The following ABR variants were observed in gnomAD, a reference collection of about 807,000 sequenced individuals.
The protein encoded by ABR is active breakpoint cluster region-related protein.
A neutral mutation model predicts 107.2 loss-of-function variants in ABR; 35 were observed. The ratio of observed to expected loss-of-function variants is 0.33; its 90% CI spans 0.25 to 0.43. The LOEUF is 0.43. Among genes scored for constraint, ABR ranks in the 20% least tolerant of loss-of-function variants. The pLI is 1.00. For synonymous variants in ABR, 498 were observed against 462.0 expected, an observed-to-expected ratio of 1.08 and a Z score of -1.00; for missense variants, 815 against 1,115.2, an observed-to-expected ratio of 0.73 and a Z score of 3.83.
In ABR at chr17:1,149,437, T is replaced by TTC. The variant is rs558018468; in HGVS notation, c.62-24071_62-24070insGA. On this transcript the variant is annotated intron_variant, in intron 1 of 22. Coordinates refer to ENST00000302538, the MANE Select transcript of ABR (RefSeq NM_021962.5). ...ATTTCTGGTTTTAGTTTTTTTTTTT[T>TTC]TTTTTGAGACAGAATCTCACTCTGT... Among the ~76,000 whole-genome samples the TTC allele has an allele frequency of 1.1e-3, 165 of 149,458 alleles. 3 individuals are homozygous for TTC. The South Asian group carries it at 0.016, about 14-fold the overall frequency.
At chr17:1,181,891 G>A (rs537110554), upstream of ABR, 6 of 152,266 alleles carry the variant, frequency 3.9e-5, no homozygotes, top group Admixed American at 2.6e-4. Flanking sequence ...GCCACATCCG[G>A]CGCTGACTGT....
chr17:1,040,429 C>T (rs547585756), intron 16 of ABR, among the ~76,000 whole-genome samples: 1 of 152,254 alleles, frequency 6.6e-6, no homozygotes, highest in South Asian at 2.1e-4. Flanking sequence ...CTCAGAGCTG[C>T]CGTGCTGGGT....
At chr17:1,224,483 A>C (rs2043178684) in intron 1 of ABR, among the ~76,000 whole-genome samples, 1 of 152,112 alleles carries the variant, frequency 6.6e-6, no homozygotes, top group Non-Finnish European at 1.5e-5. Context: ...ACTAAGGCAA[A>C]GCCTGGATTG....
chr17:1,073,265 T>C (rs1204542477), intron 7 of ABR, among the ~76,000 whole-genome samples: 1 of 149,188 alleles, frequency 6.7e-6, no homozygotes, highest in Non-Finnish European at 1.5e-5. Flanking sequence ...GCCACAGTCA[T>C]ACTCTCTCCC....
chr17:1,061,071 G>T (rs998450319), intron 10 of ABR, among the ~76,000 whole-genome samples: 9 of 152,202 alleles, frequency 5.9e-5, no homozygotes, highest in African/African-American at 2.2e-4. Context: ...TGCCTCTCCA[G>T]TGACTCACAT....
chr17:1,228,517 A>ACGGAGCG (rs1196715036), intron 1 of ABR, among the ~76,000 whole-genome samples: 14 of 152,164 alleles, frequency 9.2e-5, no homozygotes, highest in Admixed American at 9.2e-4. Context: ...TGTCAGGGCC[A>ACGGAGCG]CGGAGCGCAA....
rs1436942741 is a variant in ABR at position 1,092,862 on chromosome 17, G to A, written c.346-1012C>T. Among the ~76,000 whole-genome samples, 1 of 150,626 alleles carries A rather than the reference G, an allele frequency of 6.6e-6. No homozygotes were observed. Among genetic ancestry groups the A allele is most frequent in the Non-Finnish European group, 1.5e-5 (1 of 67,494 alleles). ...CTTTTTTTTTTGGAGACGGAGTCTC[G>A]CTCTGTCGCCCAGGCTGGAGTGCAG... is the stretch of plus-strand genomic sequence containing the variant. On this transcript the variant is annotated intron_variant, in intron 3 of 22. Transcript: ENST00000302538. This position sits in a 1 kb window ranked among gnomAD's most constrained non-coding sequence, Gnocchi z 4.6.
chr17:1,052,217 C>T (rs551107718), intron 14 of ABR, among the ~76,000 whole-genome samples: 392 of 151,886 alleles, frequency 2.6e-3, no homozygotes, highest in Admixed American at 8.1e-3. Context: ...AGGTGAACAA[C>T]ACAGAGGCCC....
At chr17:1,121,896 A>G (rs538397015) in intron 2 of ABR, among the ~76,000 whole-genome samples, 1 of 152,260 alleles carries the variant, frequency 6.6e-6, no homozygotes, top group African/African-American at 2.4e-5. Flanking sequence ...TCACAGCTAA[A>G]GAGTAGATTT....
At chr17:1,215,623 C>T (rs538196118) in intron 1 of ABR, among the ~76,000 whole-genome samples, 24 of 152,280 alleles carry the variant, frequency 1.6e-4, no homozygotes, top group Admixed American at 1.0e-3. Context: ...CCTTGGCCTC[C>T]CAAAGTGCCC....
intron 10 of ABR, among the ~76,000 whole-genome samples, chr17:1,059,632 C>T (rs1262465297): frequency 1.3e-5 from 2 of 152,180 alleles, no homozygotes; most frequent in Non-Finnish European, 2.9e-5. Flanking sequence ...CCCCCTCTCA[C>T]CAGACATTCA....
At chr17:1,034,866 G>C (rs775048784) in intron 16 of ABR, among the ~76,000 whole-genome samples, 1 of 152,100 alleles carries the variant, frequency 6.6e-6, no homozygotes, top group Non-Finnish European at 1.5e-5. Flanking sequence ...CGCCGGGTGT[G>C]GGGGAGAAGG....
intron 2 of ABR, among the ~76,000 whole-genome samples, chr17:1,112,836 TC>T (rs2038757269): frequency 6.6e-6 from 1 of 151,772 alleles, no homozygotes; most frequent in African/African-American, 2.4e-5. Flanking sequence ...CCCACAGTCT[TC>T]CCCCACACCC....
intron 1 of ABR, among the ~76,000 whole-genome samples, chr17:1,177,178 T>A (rs12941396): frequency 0.13 from 19,383 of 152,258 alleles, 1,860 homozygotes; most frequent in East Asian, 0.48. Flanking sequence ...CCACAAAACC[T>A]TGCTGCCAGG....
At chr17:1,229,603 G>A (rs936916284) in exon 1 of ABR, among the ~76,000 whole-genome samples, 16 of 152,000 alleles carry the variant, frequency 1.1e-4, no homozygotes, top group Non-Finnish European at 1.9e-4. Flanking sequence ...GCCCGCCAGC[G>A]CCGCTCGAAC....
At chr17:1,174,406 A>C (rs1486867636) in intron 1 of ABR, among the ~76,000 whole-genome samples, 2 of 152,072 alleles carry the variant, frequency 1.3e-5, no homozygotes, top group Non-Finnish European at 2.9e-5. Context: ...AACTGCTCTG[A>C]TCAAACGCAC....
intron 6 of ABR, among the ~76,000 whole-genome samples, chr17:1,074,819 G>A (rs1172703482): frequency 6.6e-6 from 1 of 152,214 alleles, no homozygotes; most frequent in Non-Finnish European, 1.5e-5. Flanking sequence ...GGTGGCACAT[G>A]CCTGTAATCC....
intron 1 of ABR, among the ~76,000 whole-genome samples, chr17:1,134,936 G>A (rs919572613): frequency 6.6e-6 from 1 of 152,244 alleles, no homozygotes. Flanking sequence ...TCAAGTGCAC[G>A]GGCCGCTGCG....
intron 6 of ABR, among the ~76,000 whole-genome samples, chr17:1,076,082 G>C (rs11652169): frequency 0.29 from 44,097 of 152,054 alleles, 7,538 homozygotes; most frequent in Non-Finnish European, 0.37. Flanking sequence ...CTATGTTGCT[G>C]GTCTCGAACT....
Sources: allele counts gnomAD v4.1 joint callset (sites outside exome capture counted in the v4.1 genomes callset), GRCh38; gene constraint gnomAD v4.1.1; non-coding constraint Gnocchi (gnomAD v3.1); transcripts MANE v1.5; gene names NCBI Gene and HGNC (gene_info 2026-07-23, HGNC 2026-07-21).